Variants in BNC2 observed in about 807,000 individuals in gnomAD.
BNC2 encodes the protein basonuclin zinc finger protein 2, also known as zinc finger protein basonuclin-2.
Under a neutral mutation model 76.3 loss-of-function variants are expected in BNC2, and 20 were observed. The ratio of observed to expected loss-of-function variants is 0.26; its 90% confidence interval spans 0.18 to 0.38. The LOEUF is 0.38. BNC2 is among the 10% of genes least tolerant of loss of function. The pLI is 1.00. For synonymous variants in BNC2, 582 were observed against 514.8 expected (o/e 1.13, Z -1.77); for missense variants, 1,382 against 1,399.8 (o/e 0.99, Z 0.20).
At chr9:16,614,880 C>T (rs12344534) in intron 3 of BNC2, among the ~76,000 whole-genome samples, 1 of 149,626 alleles carries the variant, frequency 6.7e-6, no homozygotes, top group African/African-American at 2.5e-5. Flanking sequence ...TACTTGATCT[C>T]TGGAGGTCAA....
At chr9:16,851,307 A>C (rs1819121447) in intron 1 of BNC2, among the ~76,000 whole-genome samples, 1 of 151,980 alleles carries the variant, frequency 6.6e-6, no homozygotes, top group South Asian at 2.1e-4. Context: ...CAGGAGTTTG[A>C]GACCAGCCTG....
chr9:16,813,029 T>A (rs1818091155), intron 1 of BNC2, among the ~76,000 whole-genome samples: 1 of 151,856 alleles, frequency 6.6e-6, no homozygotes, highest in Non-Finnish European at 1.5e-5. Flanking sequence ...GCCAACATGG[T>A]GAAACCCTGT....
At chr9:16,665,263 C>G in intron 3 of BNC2, 6 of 353,640 alleles carry the variant, frequency 1.7e-5, no homozygotes, top group Non-Finnish European at 3.3e-5. Flanking sequence ...CCAGCTACTC[C>G]AGAGGCTGAG....
chr9:16,784,276 C>G (rs1352290868), intron 1 of BNC2, among the ~76,000 whole-genome samples: 2 of 152,142 alleles, frequency 1.3e-5, no homozygotes, highest in Admixed American at 6.5e-5. Context: ...GGATGTTGCC[C>G]TAAGGTCTTT....
At chr9:16,424,124 G>A (rs1187350787) in intron 6 of BNC2, among the ~76,000 whole-genome samples, 1 of 152,118 alleles carries the variant, frequency 6.6e-6, no homozygotes, top group Non-Finnish European at 1.5e-5. Flanking sequence ...AGCAAGTCTT[G>A]CCTTGGACTT....
At chr9:16,592,927 T>C (rs1819973029) in intron 3 of BNC2, among the ~76,000 whole-genome samples, 1 of 152,116 alleles carries the variant, frequency 6.6e-6, no homozygotes, top group South Asian at 2.1e-4. Flanking sequence ...TAAAACCTAA[T>C]ATATCCATTT....
chr9:16,511,287 T>A (rs962725007), intron 5 of BNC2, among the ~76,000 whole-genome samples: 5 of 151,828 alleles, frequency 3.3e-5, no homozygotes, highest in Admixed American at 2.0e-4. Context: ...TTTTTAAATT[T>A]TTTTGTAAAG....
At chr9:16,639,878 C>T (rs1821440192) in intron 3 of BNC2, among the ~76,000 whole-genome samples, 1 of 151,930 alleles carries the variant, frequency 6.6e-6, no homozygotes, top group Non-Finnish European at 1.5e-5. Context: ...GCTATGATCG[C>T]ACCACTACAT....
At chr9:16,716,510 C>A (rs942910927) in intron 3 of BNC2, among the ~76,000 whole-genome samples, 5 of 151,952 alleles carry the variant, frequency 3.3e-5, no homozygotes, top group Admixed American at 2.0e-4. Flanking sequence ...TTTCATTATT[C>A]CCAATCAATC....
At chr9:16,513,610 G>T (rs1424615784) in intron 5 of BNC2, among the ~76,000 whole-genome samples, 1 of 152,132 alleles carries the variant, frequency 6.6e-6, no homozygotes, top group African/African-American at 2.4e-5. Context: ...GGCCGAAAAG[G>T]TTCTTAATAA....
At chr9:16,638,667 C>G (rs971669685) in intron 3 of BNC2, among the ~76,000 whole-genome samples, 1 of 151,930 alleles carries the variant, frequency 6.6e-6, no homozygotes, top group Non-Finnish European at 1.5e-5. Flanking sequence ...AAACTATAGT[C>G]CTAGAGATAG....
chr9:16,631,413 G>A (rs1821156274), intron 3 of BNC2, among the ~76,000 whole-genome samples: 1 of 152,154 alleles, frequency 6.6e-6, no homozygotes, highest in Non-Finnish European at 1.5e-5. Context: ...GGGCACTGGA[G>A]TAGTATATAA....
At chr9:16,759,189 T>C (rs76455205) in intron 1 of BNC2, among the ~76,000 whole-genome samples, 4,214 of 152,276 alleles carry the variant, frequency 0.028, 136 homozygotes, top group East Asian at 0.097. Flanking sequence ...AAGAAAGATA[T>C]GATTTCATAC....
At chr9:16,771,011 A>G (rs1320274670) in intron 1 of BNC2, among the ~76,000 whole-genome samples, 1 of 152,148 alleles carries the variant, frequency 6.6e-6, no homozygotes, top group African/African-American at 2.4e-5. Context: ...CTCTACTAAA[A>G]ATACAAAATT....
intron 6 of BNC2, among the ~76,000 whole-genome samples, chr9:16,433,926 C>G (rs1367352387): frequency 5.9e-5 from 9 of 152,058 alleles, no homozygotes; most frequent in Admixed American, 5.9e-4. Flanking sequence ...TAGTAGTGTA[C>G]TATCTCAAAT....
At chr9:16,488,113 C>T (rs138882757) in intron 5 of BNC2, among the ~76,000 whole-genome samples, 6 of 152,304 alleles carry the variant, frequency 3.9e-5, no homozygotes, top group Admixed American at 1.3e-4. Flanking sequence ...CGTTTCCCCT[C>T]GCCTTATATG....
intron 1 of BNC2, among the ~76,000 whole-genome samples, chr9:16,810,759 C>T (rs1041001118): frequency 3.9e-5 from 6 of 152,138 alleles, no homozygotes; most frequent in African/African-American, 7.2e-5. Flanking sequence ...AGAGAAAAGC[C>T]GCTAGCCAGA....
intron 3 of BNC2, among the ~76,000 whole-genome samples, chr9:16,707,202 C>A (rs1455775739): frequency 6.6e-6 from 1 of 151,126 alleles, no homozygotes; most frequent in East Asian, 1.9e-4. Context: ...ACTCCGCCCC[C>A]CCGCCAAAAA....
At chr9:16,838,732 T>C (rs1818761688) in intron 1 of BNC2, among the ~76,000 whole-genome samples, 1 of 152,204 alleles carries the variant, frequency 6.6e-6, no homozygotes, top group African/African-American at 2.4e-5. Flanking sequence ...GATCTTCACC[T>C]GGTAGCTCAC....
Sources: gnomAD v4.1 joint callset for allele counts (sites outside exome capture counted in the v4.1 genomes callset) on GRCh38, gnomAD v4.1.1 for gene constraint, MANE v1.5 for transcripts, NCBI Gene and HGNC (gene_info 2026-07-23, HGNC 2026-07-21) for gene names.